CDH13: variants seen among roughly 807,000 people sequenced by gnomAD.
The protein encoded by CDH13 is cadherin 13.
Under a neutral mutation model 63.8 loss-of-function variants are expected in CDH13, and 24 were observed. The ratio of observed to expected loss-of-function variants is 0.38; its 90% CI spans 0.27 to 0.53. The LOEUF is 0.53. CDH13 is among the 20% of genes least tolerant of loss of function. The pLI, the probability that CDH13 is intolerant of heterozygous loss-of-function variation, is 0.85. For missense variants in CDH13, 1,049 were observed against 903.1 expected, an observed-to-expected ratio of 1.16 and a Z score of -2.07; for synonymous variants, 503 against 355.3, an observed-to-expected ratio of 1.42 and a Z score of -4.67.
At chr16:83,662,283 A>G (rs1567494457) in intron 8 of CDH13, among the ~76,000 whole-genome samples, 4 of 152,158 alleles carry the variant, frequency 2.6e-5, no homozygotes, top group South Asian at 4.1e-4. Flanking sequence ...TGTTTAGTAG[A>G]CCTTTCTGTC....
chr16:83,191,169 A>C (rs1029261517), intron 4 of CDH13, among the ~76,000 whole-genome samples: 1 of 147,780 alleles, frequency 6.8e-6, no homozygotes, highest in African/African-American at 2.5e-5. Context: ...TATGGAAAGA[A>C]TAAGAACCTG....
intron 7 of CDH13, among the ~76,000 whole-genome samples, chr16:83,499,605 G>C (rs1385729453): frequency 6.6e-6 from 1 of 152,142 alleles, no homozygotes; most frequent in East Asian, 1.9e-4. Context: ...AATCCCTTTT[G>C]GTTAAAACTA....
chr16:83,265,851 A>G (rs980243958), intron 5 of CDH13, among the ~76,000 whole-genome samples: 3 of 146,662 alleles, frequency 2.0e-5, no homozygotes, highest in African/African-American at 7.6e-5. Context: ...GGAGTTTTGC[A>G]TGGACGTGCA....
At chr16:83,424,077 A>T (rs556047034) in intron 6 of CDH13, among the ~76,000 whole-genome samples, 2 of 152,278 alleles carry the variant, frequency 1.3e-5, no homozygotes, top group South Asian at 2.1e-4. Flanking sequence ...GGGAAATCCA[A>T]CAGGGACTGA....
intron 5 of CDH13, among the ~76,000 whole-genome samples, chr16:83,222,171 C>T (rs1029314982): frequency 2.6e-5 from 4 of 152,206 alleles, no homozygotes; most frequent in African/African-American, 9.7e-5. Flanking sequence ...TGGAAAGGAC[C>T]TCACTGCCAC....
chr16:82,651,155 C>G (rs1042868438), intron 1 of CDH13, among the ~76,000 whole-genome samples: 1 of 152,148 alleles, frequency 6.6e-6, no homozygotes, highest in African/African-American at 2.4e-5. Context: ...CTATGAACAA[C>G]CATCATTATC....
intron 4 of CDH13, among the ~76,000 whole-genome samples, chr16:83,202,378 C>A (rs147696738): frequency 1.8e-3 from 268 of 152,202 alleles, no homozygotes; most frequent in African/African-American, 6.2e-3. Flanking sequence ...CCTTGCTTTC[C>A]TGAGGGGACT....
At chr16:82,781,703 T>C (rs1432219400) in intron 1 of CDH13, among the ~76,000 whole-genome samples, 1 of 152,184 alleles carries the variant, frequency 6.6e-6, no homozygotes, top group African/African-American at 2.4e-5. Flanking sequence ...TCCCCTCTCA[T>C]CCATCAATAT....
At chr16:83,658,950 C>T (rs1567491231) in intron 8 of CDH13, among the ~76,000 whole-genome samples, 3 of 144,274 alleles carry the variant, frequency 2.1e-5, no homozygotes, top group Admixed American at 1.4e-4. Flanking sequence ...GTCCTCACCA[C>T]CAGGTCCCGT....
intron 3 of CDH13, among the ~76,000 whole-genome samples, chr16:83,106,416 C>T (rs920220568): frequency 6.6e-6 from 1 of 152,176 alleles, no homozygotes; most frequent in African/African-American, 2.4e-5. Context: ...TGGCATGTGC[C>T]TGTAATCCCA....
In CDH13 at chr16:82,636,783, A is replaced by C. The variant is rs1567576542; in HGVS notation, c.45+9646A>C. Among the ~76,000 whole-genome samples the C allele has an allele frequency of 3.9e-5, 6 of 152,350 alleles. No individual in the cohort carries two copies. The South Asian group carries it at 1.0e-3, about 26-fold the overall frequency. Reference sequence around the variant, plus strand: ...CAAAACCCAAACCAAGACACAACCAAGTAATTTGTAGCTCTTGCCAATTTC... The same window carrying C: ...CAAAACCCAAACCAAGACACAACCACGTAATTTGTAGCTCTTGCCAATTTC... On this transcript the variant is annotated intron_variant, in intron 1 of 13. Coordinates refer to ENST00000567109, the MANE Select transcript of CDH13 (RefSeq NM_001257.5).
chr16:83,729,293 A>T (rs1458490204), intron 10 of CDH13, among the ~76,000 whole-genome samples: 1 of 152,222 alleles, frequency 6.6e-6, no homozygotes, highest in African/African-American at 2.4e-5. Context: ...GTGTATGTAT[A>T]TATAGTAAAT....
At chr16:83,277,935 G>C (rs985650180) in intron 5 of CDH13, among the ~76,000 whole-genome samples, 3 of 152,184 alleles carry the variant, frequency 2.0e-5, no homozygotes, top group African/African-American at 7.2e-5. Flanking sequence ...TTAAAAAGTA[G>C]ATTTCCTATC....
At chr16:83,017,687 C>A (rs1914939979) in intron 2 of CDH13, among the ~76,000 whole-genome samples, 2 of 152,120 alleles carry the variant, frequency 1.3e-5, no homozygotes, top group South Asian at 4.2e-4. Flanking sequence ...ACATGAAATA[C>A]TATTAGGGCT....
At chr16:83,399,574 C>T (rs1044431309) in intron 6 of CDH13, among the ~76,000 whole-genome samples, 1 of 152,138 alleles carries the variant, frequency 6.6e-6, no homozygotes. Context: ...GTCTCATCCT[C>T]TTGGATCTCA....
At chr16:82,973,884 C>G (rs760259037) in intron 2 of CDH13, among the ~76,000 whole-genome samples, 2 of 152,118 alleles carry the variant, frequency 1.3e-5, no homozygotes, top group African/African-American at 2.4e-5. Context: ...GTCACATACT[C>G]ACACACCTTA....
intron 3 of CDH13, among the ~76,000 whole-genome samples, chr16:83,095,795 G>A (rs1438767204): frequency 6.6e-6 from 1 of 152,108 alleles, no homozygotes; most frequent in African/African-American, 2.4e-5. Context: ...GATTCTCACT[G>A]TGGAATGAAC....
intron 6 of CDH13, among the ~76,000 whole-genome samples, chr16:83,372,970 A>T (rs987058709): frequency 1.3e-5 from 2 of 152,128 alleles, no homozygotes; most frequent in African/African-American, 4.8e-5. Flanking sequence ...TTTATAGGAG[A>T]TGAACTGAAA....
intron 1 of CDH13, among the ~76,000 whole-genome samples, chr16:82,712,264 G>C (rs558532613): frequency 1.3e-5 from 2 of 152,102 alleles, no homozygotes; most frequent in African/African-American, 4.8e-5. Context: ...TTAGTTAAAG[G>C]CTGGTGTAAT....
Sources: allele counts gnomAD v4.1 joint callset (sites outside exome capture counted in the v4.1 genomes callset), GRCh38; gene constraint gnomAD v4.1.1; transcripts MANE v1.5; gene names NCBI Gene and HGNC (gene_info 2026-07-23, HGNC 2026-07-21).